The following IFT27 variants were observed in gnomAD, a reference collection of about 807,000 sequenced individuals.
IFT27 encodes intraflagellar transport protein 27 homolog.
Under a neutral mutation model 23.9 loss-of-function variants are expected in IFT27, and 19 were observed. That is an observed-to-expected ratio of 0.79 (90% CI 0.55 to 1.16). The LOEUF is 1.16. Ranked by LOEUF, IFT27 falls within the 50% of genes most tolerant of loss-of-function variation. The pLI, the probability that IFT27 is intolerant of heterozygous loss-of-function variation, is 0.00. For missense variants in IFT27, 206 were observed against 228.7 expected (o/e 0.90, Z 0.64); for synonymous variants, 91 against 89.1 (o/e 1.02, Z -0.12).
rs768083777 is a variant in IFT27 at position 36,762,930 on chromosome 22, C to T, written c.436G>A (p.Gly146Ser). 2.7e-5 allele frequency: 43 copies of T among 1,588,084 alleles called. No homozygotes were observed. Among genetic ancestry groups the T allele is most frequent in the Non-Finnish European group, 3.6e-5 (42 of 1,163,272 alleles). Reference protein sequence around the residue: ...AEARAWALGQGLECFETSVKE... With the variant: ...AEARAWALGQSLECFETSVKE... ...ACGGATGTTTCAAAACATTCCAGGCCCTGGCCCAGCGCCCATGCCCGGGCC... is the reference window on the plus strand; with the variant it reads ...ACGGATGTTTCAAAACATTCCAGGCTCTGGCCCAGCGCCCATGCCCGGGCC... Residue 146 changes from glycine to serine, a missense_variant, in exon 6 of 7, where the codon GGC becomes AGC. Physicochemically the swap from Gly to Ser is moderately conservative, Grantham distance 56. Transcript: ENST00000433985.
At chr22:36,767,178 C>T (rs772026943) in intron 3 of IFT27, 128 bp downstream of exon 3, 50 of 683,012 alleles carry the variant, frequency 7.3e-5, no homozygotes, top group Non-Finnish European at 1.1e-4. Flanking sequence ...GATTCTATTC[C>T]GAAATGCTCA....
chr22:36,768,898 A>C (rs1476540252), intron 1 of IFT27, among the ~76,000 whole-genome samples: 1 of 152,112 alleles, frequency 6.6e-6, no homozygotes, highest in Non-Finnish European at 1.5e-5. Flanking sequence ...CAAAATCAGC[A>C]CCGCCCTCCG....
At position 36,767,360 on chromosome 22, in the gene IFT27, T is replaced by C; in HGVS notation, c.120A>G (p.Thr40=). 6.2e-7 allele frequency: 1 copy of C among 1,612,884 alleles called. No individual in the cohort carries two copies. The highest frequency in any genetic ancestry group is 1.7e-5 in the Admixed American group (1 of 59,920). ...CTGTCTTCACCACCAAATCCATTCCTGTTGTCTGCCGAGGAACACCAAGAA... is the reference window on the plus strand; with the variant it reads ...CTGTCTTCACCACCAAATCCATTCCCGTTGTCTGCCGAGGAACACCAAGAA... ...AHFQKSYTLT[T]GMDLVVKTVP... Residue 40 remains threonine (T), a synonymous_variant, in exon 3 of 7, where the codon ACA becomes ACG. Coordinates refer to ENST00000433985, the MANE Select transcript of IFT27 (RefSeq NM_001177701.3).
chr22:36,775,834 G>A lies in IFT27; in HGVS notation c.-127C>T. 1 of 900,290 alleles carries A rather than the reference G, an allele frequency of 1.1e-6. No homozygotes were observed. The highest frequency in any genetic ancestry group is 1.8e-6 in the Non-Finnish European group (1 of 554,942). The allele number at this position is 900,290 out of a possible 1,614,324, so 55.8% of individuals were successfully genotyped here. ...TGGGGAGGGGAGGGCTGATCTCAAG[G>A]GTCAGTGGCCGCGACGGGACTGGGG... On this transcript the variant is annotated 5_prime_UTR_variant, in exon 1 of 7. Transcript: ENST00000433985.
intron 6 of IFT27, 30 bp from the exon 7 acceptor site, chr22:36,758,439 G>T (rs745493719): frequency 6.4e-7 from 1 of 1,570,576 alleles, no homozygotes; most frequent in South Asian, 1.1e-5. Flanking sequence ...AGTTGGCTGT[G>T]TTCTTTTAGA....
At position 36,762,920 on chromosome 22, in the gene IFT27, CATT is replaced by C. The variant is rs1267672580; in HGVS notation, c.443_445del (p.Glu148_Cys149delinsGly). 2 of 1,577,100 alleles carry C rather than the reference CATT, an allele frequency of 1.3e-6. No homozygotes were observed. The highest frequency in any genetic ancestry group is 8.6e-7 in the Non-Finnish European group (1 of 1,156,354). On this transcript the variant is annotated inframe_deletion, in exon 6 of 7. Coordinates refer to ENST00000433985, the MANE Select transcript of IFT27 (RefSeq NM_001177701.3). ...AATACTCACCACGGATGTTTCAAAACATTCCAGGCCCTGGCCCAGCGCCCATGC... is the reference window on the plus strand; with the variant it reads ...AATACTCACCACGGATGTTTCAAAACCCAGGCCCTGGCCCAGCGCCCATGC...
chr22:36,772,849 G>T, intron 1 of IFT27: 1 of 907,632 alleles, frequency 1.1e-6, no homozygotes, highest in Non-Finnish European at 1.3e-6. Flanking sequence ...TAAAACCAAT[G>T]GCATGTGTGT....
At chr22:36,767,981 G>C in intron 1 of IFT27, 119 bp from the exon 2 acceptor site, 2 of 927,436 alleles carry the variant, frequency 2.2e-6, no homozygotes, top group Non-Finnish European at 1.8e-6. Context: ...AGATGTACTT[G>C]CCTCTCACGG....
intron 1 of IFT27, among the ~76,000 whole-genome samples, chr22:36,770,971 G>A (rs193103753): frequency 5.9e-5 from 9 of 152,276 alleles, no homozygotes; most frequent in Admixed American, 2.0e-4. Context: ...TGCTCTTCCC[G>A]CCTGCTTCTC....
At chr22:36,767,489 C>CA in intron 2 of IFT27, 124 bp from the exon 3 acceptor site, 1 of 837,336 alleles carries the variant, frequency 1.2e-6, no homozygotes, top group Admixed American at 2.5e-5. Context: ...GTTCTGGACT[C>CA]ATTCTTGTGA....
At chr22:36,764,101 CAATTTGGCCTTCCAAGGGA>C (rs2145916846) in intron 4 of IFT27, 65 bp from the exon 5 acceptor site, 2 of 1,212,044 alleles carry the variant, frequency 1.7e-6, no homozygotes, top group South Asian at 2.4e-5. Flanking sequence ...GGCTGGGAGA[CAATTTGGCCTTCCAAGGGA>C]AAGGGTATGG....
chr22:36,767,220 C>T (rs1396411462), intron 3 of IFT27, 86 bp downstream of exon 3: 36 of 1,064,556 alleles, frequency 3.4e-5, no homozygotes, highest in Admixed American at 1.8e-5. Flanking sequence ...TGCACTGCAT[C>T]TCTCCTAGGG....
At chr22:36,772,671 C>G in intron 1 of IFT27, 3 of 985,220 alleles carry the variant, frequency 3.0e-6, no homozygotes, top group Non-Finnish European at 3.6e-6. Flanking sequence ...TGCTTGCAGG[C>G]CCACTGCACC....
At chr22:36,770,705 A>C (rs1233624267) in intron 1 of IFT27, among the ~76,000 whole-genome samples, 1 of 151,928 alleles carries the variant, frequency 6.6e-6, no homozygotes, top group Non-Finnish European at 1.5e-5. Flanking sequence ...TCCCATCTTC[A>C]GGCAGCCTCC....
At chr22:36,768,977 C>T (rs1938331398) in intron 1 of IFT27, among the ~76,000 whole-genome samples, 1 of 152,236 alleles carries the variant, frequency 6.6e-6, no homozygotes, top group Non-Finnish European at 1.5e-5. Context: ...TCGGCTTCAA[C>T]ACTCCTTTCC....
intron 1 of IFT27, chr22:36,772,498 C>A (rs1938406522): frequency 2.0e-6 from 2 of 985,160 alleles, no homozygotes; most frequent in African/African-American, 1.7e-5. Flanking sequence ...AAATACAGAT[C>A]AATGTCAAAT....
At chr22:36,766,107 A>G (rs1938241337) in intron 4 of IFT27, 31 bp downstream of exon 4, 1 of 1,587,496 alleles carries the variant, frequency 6.3e-7, no homozygotes, top group Non-Finnish European at 8.7e-7. Flanking sequence ...GGAGGTGGTG[A>G]CAGTCAGGAA....
At chr22:36,765,495 C>CA (rs61164023) in intron 4 of IFT27, among the ~76,000 whole-genome samples, 15 of 150,622 alleles carry the variant, frequency 1.0e-4, no homozygotes, top group East Asian at 3.9e-4. Context: ...TCTTAGGCAA[C>CA]AAAAAAAAAG....
intron 4 of IFT27, among the ~76,000 whole-genome samples, 200 bp downstream of exon 4, chr22:36,765,938 C>T (rs1461668151): frequency 1.3e-5 from 2 of 152,234 alleles, no homozygotes; most frequent in Non-Finnish European, 2.9e-5. Context: ...AGAGCTGGGG[C>T]CCGGGCAGTC....
Sources: allele counts gnomAD v4.1 joint callset (sites outside exome capture counted in the v4.1 genomes callset), GRCh38; gene constraint gnomAD v4.1.1; transcripts MANE v1.5; gene names NCBI Gene and HGNC (gene_info 2026-07-23, HGNC 2026-07-21).